CHST11: variants seen among roughly 807,000 people sequenced by gnomAD.
The protein encoded by CHST11 is carbohydrate sulfotransferase 11, also known as C4S-1.
A neutral mutation model predicts 30.4 loss-of-function variants in CHST11; 9 were observed. The ratio of observed to expected loss-of-function variants is 0.30; its 90% CI spans 0.18 to 0.52. The LOEUF is 0.52. Among genes scored for constraint, CHST11 ranks in the 20% least tolerant of loss-of-function variants. CHST11 has a pLI of 0.97. For synonymous variants in CHST11, 152 were observed against 187.8 expected, an observed-to-expected ratio of 0.81 and a Z score of 1.56; for missense variants, 348 against 460.6, an observed-to-expected ratio of 0.76 and a Z score of 2.24.
At chr12:104,604,280 G>A (rs2038982871) in intron 2 of CHST11, among the ~76,000 whole-genome samples, 1 of 152,170 alleles carries the variant, frequency 6.6e-6, no homozygotes, top group South Asian at 2.1e-4. Flanking sequence ...AGCTCTGGGA[G>A]GCATTGGGGA....
intron 1 of CHST11, among the ~76,000 whole-genome samples, chr12:104,566,985 A>G (rs2038573572): frequency 6.6e-6 from 1 of 152,138 alleles, no homozygotes; most frequent in Non-Finnish European, 1.5e-5. Context: ...ATATATATAC[A>G]CACACATGTA....
intron 1 of CHST11, among the ~76,000 whole-genome samples, chr12:104,588,015 A>G (rs1419750214): frequency 6.6e-6 from 1 of 151,996 alleles, no homozygotes; most frequent in Non-Finnish European, 1.5e-5. Flanking sequence ...ATCTATTCAA[A>G]GAGGCCAAAA....
At chr12:104,607,299 G>A (rs888504735) in intron 2 of CHST11, among the ~76,000 whole-genome samples, 8 of 152,230 alleles carry the variant, frequency 5.3e-5, no homozygotes, top group African/African-American at 1.4e-4. Context: ...GCTTGTAATA[G>A]TCCAAAGGTT....
chr12:104,490,883 A>C (rs2037738172), intron 1 of CHST11, among the ~76,000 whole-genome samples: 2 of 152,188 alleles, frequency 1.3e-5, no homozygotes. Context: ...TAAAATATTG[A>C]CCATCCTTCA....
chr12:104,563,976 G>A (rs2136018451), intron 1 of CHST11, among the ~76,000 whole-genome samples: 1 of 152,212 alleles, frequency 6.6e-6, no homozygotes, highest in East Asian at 1.9e-4. Context: ...GCACTACTAA[G>A]GTGTGGCTGG....
chr12:104,505,359 C>T (rs756878013), intron 1 of CHST11, among the ~76,000 whole-genome samples: 2 of 152,168 alleles, frequency 1.3e-5, no homozygotes, highest in Non-Finnish European at 2.9e-5. Flanking sequence ...AGCTACCCTG[C>T]ACATGATGTC....
At chr12:104,528,651 C>T (rs982735459) in intron 1 of CHST11, among the ~76,000 whole-genome samples, 7 of 152,168 alleles carry the variant, frequency 4.6e-5, no homozygotes, top group African/African-American at 1.4e-4. Context: ...ATAAGAAGAG[C>T]TAGTGAGTGC....
At chr12:104,673,949 C>G (rs703665) in intron 2 of CHST11, among the ~76,000 whole-genome samples, 5,350 of 152,314 alleles carry the variant, frequency 0.035, 120 homozygotes, top group South Asian at 0.078. Context: ...CATCTTTCTT[C>G]CCTGCCCGTG....
At chr12:104,502,775 T>A (rs952125769) in intron 1 of CHST11, among the ~76,000 whole-genome samples, 3 of 152,184 alleles carry the variant, frequency 2.0e-5, no homozygotes, top group African/African-American at 4.8e-5. Flanking sequence ...AAGTTATAAA[T>A]CTTCAGTTAG....
At chr12:104,473,974 C>G (rs2037534949) in intron 1 of CHST11, among the ~76,000 whole-genome samples, 1 of 151,998 alleles carries the variant, frequency 6.6e-6, no homozygotes, top group Non-Finnish European at 1.5e-5. Flanking sequence ...GAGAACTCTT[C>G]CAAAGGCTTA....
At chr12:104,550,740 A>G (rs143291748) in intron 1 of CHST11, among the ~76,000 whole-genome samples, 303 of 152,334 alleles carry the variant, frequency 2.0e-3, no homozygotes, top group Non-Finnish European at 3.1e-3. Context: ...CTGAAATCAC[A>G]GTGAAGAGCA....
In CHST11 at chr12:104,624,408, C is replaced by T. The variant is rs555596220; in HGVS notation, c.204+22417C>T. Among the ~76,000 whole-genome samples, 9 of 152,174 alleles carry T rather than the reference C, an allele frequency of 5.9e-5. 1 individual carries two copies. In the South Asian group the frequency reaches 1.9e-3, roughly 32 times the overall value. ...GGCCATGTGGGCAGTGCATTTGGTACCCTTAATAGGACTTCTTGGAATCAA... is the reference window on the plus strand; with the variant it reads ...GGCCATGTGGGCAGTGCATTTGGTATCCTTAATAGGACTTCTTGGAATCAA... On this transcript the variant is annotated intron_variant, in intron 2 of 2. Transcript: ENST00000303694.
chr12:104,535,745 G>A (rs994387471), intron 1 of CHST11, among the ~76,000 whole-genome samples: 12 of 152,134 alleles, frequency 7.9e-5, no homozygotes, highest in Non-Finnish European at 1.6e-4. Context: ...AGCTAACCTC[G>A]GAGTTATAAA....
intron 1 of CHST11, among the ~76,000 whole-genome samples, chr12:104,480,158 T>C (rs2037605598): frequency 6.6e-6 from 1 of 152,174 alleles, no homozygotes; most frequent in Non-Finnish European, 1.5e-5. Flanking sequence ...CTATCTTTCA[T>C]AAACATCTGC....
rs576902098 is a variant in CHST11, at chr12:104,470,590, GA to G, written c.118+13068del. Among the ~76,000 whole-genome samples, 8 of 152,252 alleles carry G rather than the reference GA, an allele frequency of 5.3e-5. No individual in the cohort carries two copies. In the East Asian group the frequency reaches 9.6e-4, roughly 18 times the overall value. On this transcript the variant is annotated intron_variant, in intron 1 of 2. Transcript: ENST00000303694. The stretch of plus-strand genomic sequence containing the variant: ...ATTCAACATTTTTCTGATGCTTTAT[GA>G]AAAAAACCAGTAACAACAATGACCA...
intron 2 of CHST11, among the ~76,000 whole-genome samples, chr12:104,705,892 A>G (rs1216720288): frequency 6.6e-6 from 1 of 150,660 alleles, no homozygotes; most frequent in African/African-American, 2.5e-5. Context: ...TGCCTGGGAG[A>G]CAGAGCGATA....
chr12:104,520,312 C>A (rs1380122163), intron 1 of CHST11, among the ~76,000 whole-genome samples: 1 of 152,110 alleles, frequency 6.6e-6, no homozygotes, highest in Non-Finnish European at 1.5e-5. Context: ...GAAGTAAATG[C>A]TTTATAAGCC....
intron 1 of CHST11, among the ~76,000 whole-genome samples, chr12:104,518,721 T>C (rs1177832017): frequency 6.6e-6 from 1 of 152,246 alleles, no homozygotes; most frequent in Non-Finnish European, 1.5e-5. Flanking sequence ...TCATTCATTT[T>C]CTACAAAATA....
In CHST11 at chr12:104,756,532, G is replaced by GGGGTGTGTGT. The variant is rs1555250374; in HGVS notation, c.205-416_205-415insGGTGTGTGTG. 5.4e-3 allele frequency among the ~76,000 whole-genome samples: 773 copies of GGGGTGTGTGT among 143,390 alleles called. 6 individuals are homozygous for GGGGTGTGTGT. The highest frequency in any genetic ancestry group is 0.019 in the African/African-American group (710 of 38,354). 94.1% of individuals were successfully genotyped at this position (143,390 alleles called of 152,430 possible). A position where few individuals can be genotyped will look rare whatever the true frequency, so the allele number is the denominator to read the frequency against. On this transcript the variant is annotated intron_variant, in intron 2 of 2. Coordinates refer to ENST00000303694, the MANE Select transcript of CHST11 (RefSeq NM_018413.6). ...CATCATGAGGTCTGGATCCATGTGG[G>GGGGTGTGTGT]GTGTGTGTGTGTGTGTGTGTGTGTG...
Sources: gnomAD v4.1 joint callset for allele counts (sites outside exome capture counted in the v4.1 genomes callset) on GRCh38, gnomAD v4.1.1 for gene constraint, MANE v1.5 for transcripts, NCBI Gene and HGNC (gene_info 2026-07-23, HGNC 2026-07-21) for gene names.